CNTNAP5: variants seen among roughly 807,000 people sequenced by gnomAD.
The protein encoded by CNTNAP5 is contactin-associated protein-like 5.
CNTNAP5 carries 72 observed loss-of-function variants against 150.2 expected under a neutral mutation model. The ratio of observed to expected loss-of-function variants is 0.48; its 90% CI spans 0.40 to 0.58. The LOEUF is 0.58. Among genes scored for constraint, CNTNAP5 ranks in the 20% least tolerant of loss-of-function variants. The probability of loss-of-function intolerance (pLI) is 0.00; values close to 1 mark genes in which losing one functional copy is unlikely to be tolerated. For missense variants in CNTNAP5, 1,636 were observed against 1,626.2 expected, an observed-to-expected ratio of 1.01 and a Z score of -0.10; for synonymous variants, 672 against 619.8, an observed-to-expected ratio of 1.08 and a Z score of -1.25.
At chr2:124,377,569 G>A (rs2104733923) in intron 3 of CNTNAP5, among the ~76,000 whole-genome samples, 1 of 151,950 alleles carries the variant, frequency 6.6e-6, no homozygotes, top group South Asian at 2.1e-4. Flanking sequence ...TAGCTACTCA[G>A]GAGGCTGAGA....
chr2:124,386,376 T>A (rs1262398656), intron 3 of CNTNAP5, among the ~76,000 whole-genome samples: 1 of 152,176 alleles, frequency 6.6e-6, no homozygotes, highest in Non-Finnish European at 1.5e-5. Flanking sequence ...TGGCAATAGT[T>A]TAATCTAGTT....
intron 1 of CNTNAP5, among the ~76,000 whole-genome samples, chr2:124,086,405 G>A (rs563474305): frequency 6.6e-6 from 1 of 151,280 alleles, no homozygotes; most frequent in African/African-American, 2.4e-5. Flanking sequence ...GGGTTTCATC[G>A]TGTTAGCCAG....
At chr2:124,862,752 T>A (rs1346652938) in intron 19 of CNTNAP5, among the ~76,000 whole-genome samples, 1 of 152,174 alleles carries the variant, frequency 6.6e-6, no homozygotes, top group Admixed American at 6.6e-5. Flanking sequence ...TAGCCTTTCA[T>A]GGGGTCAAAC....
At chr2:124,036,495 G>T (rs1323501541) in intron 1 of CNTNAP5, among the ~76,000 whole-genome samples, 2 of 152,004 alleles carry the variant, frequency 1.3e-5, no homozygotes, top group African/African-American at 4.8e-5. Flanking sequence ...TCTGTCAGTT[G>T]ACAGTAATGG....
intron 11 of CNTNAP5, among the ~76,000 whole-genome samples, chr2:124,585,670 T>A (rs1192289925): frequency 2.6e-5 from 1 of 37,804 alleles, no homozygotes. Context: ...AGCTTGAAGC[T>A]TTTTTTTTTT....
chr2:124,435,009 C>T (rs184422181), intron 5 of CNTNAP5, among the ~76,000 whole-genome samples: 1 of 152,192 alleles, frequency 6.6e-6, no homozygotes, highest in Admixed American at 6.5e-5. Context: ...GAGGCTTGCT[C>T]AGAATCTATG....
chr2:124,597,034 T>TGC (rs1696843772), intron 11 of CNTNAP5, among the ~76,000 whole-genome samples: 1 of 2,804 alleles, frequency 3.6e-4, no homozygotes, highest in Non-Finnish European at 0.1. Flanking sequence ...TATGTGTGTC[T>TGC]CTGTACGTGA....
At chr2:124,062,127 A>C (rs1387914211) in intron 1 of CNTNAP5, among the ~76,000 whole-genome samples, 1 of 152,100 alleles carries the variant, frequency 6.6e-6, no homozygotes, top group Non-Finnish European at 1.5e-5. Flanking sequence ...TTACAGAATT[A>C]ATTCTGTTTT....
intron 1 of CNTNAP5, among the ~76,000 whole-genome samples, chr2:124,118,212 TAC>T (rs1034867748): frequency 3.3e-5 from 5 of 151,930 alleles, no homozygotes; most frequent in East Asian, 3.9e-4. Context: ...TTAAAATACA[TAC>T]ACACACACAC....
intron 3 of CNTNAP5, among the ~76,000 whole-genome samples, chr2:124,391,383 G>C (rs143872072): frequency 1.1e-4 from 16 of 152,066 alleles, no homozygotes; most frequent in East Asian, 5.8e-4. Context: ...CACAAAAATG[G>C]GTGGACATGA....
chr2:124,563,910 C>T (rs946164054), intron 11 of CNTNAP5, among the ~76,000 whole-genome samples: 1 of 152,232 alleles, frequency 6.6e-6, no homozygotes, highest in Non-Finnish European at 1.5e-5. Context: ...CTTCCACTCA[C>T]ATTCCACTGG....
intron 14 of CNTNAP5, among the ~76,000 whole-genome samples, chr2:124,747,633 T>C (rs1680635750): frequency 7.3e-6 from 1 of 137,684 alleles, no homozygotes; most frequent in Non-Finnish European, 1.6e-5. Flanking sequence ...TTTTTTTTTT[T>C]TTTTTGAGAC....
intron 12 of CNTNAP5, among the ~76,000 whole-genome samples, chr2:124,644,842 C>T (rs1271609221): frequency 3.3e-5 from 5 of 152,256 alleles, no homozygotes; most frequent in East Asian, 1.9e-4. Flanking sequence ...TCCTGTCCCT[C>T]GTACAGTGTT....
At chr2:124,504,176 C>T (rs371280066) in intron 7 of CNTNAP5, 116 bp from the exon 8 acceptor site, 2 of 1,034,652 alleles carry the variant, frequency 1.9e-6, no homozygotes, top group Non-Finnish European at 1.4e-6. Context: ...AAGATCTTGC[C>T]GCTGAATGTG....
chr2:124,459,331 C>T (rs4355121), intron 6 of CNTNAP5, among the ~76,000 whole-genome samples: 30,786 of 152,116 alleles, frequency 0.2, 3,406 homozygotes, highest in East Asian at 0.33. Context: ...TCATTTGCCT[C>T]CCTACCCCTG....
At chr2:124,521,754 T>C (rs577250918) in intron 8 of CNTNAP5, among the ~76,000 whole-genome samples, 1 of 152,248 alleles carries the variant, frequency 6.6e-6, no homozygotes, top group Admixed American at 6.5e-5. Flanking sequence ...TATGCAGATG[T>C]ATTCAAATGA....
intron 3 of CNTNAP5, among the ~76,000 whole-genome samples, chr2:124,266,900 T>C (rs781443636): frequency 2.0e-5 from 3 of 151,918 alleles, no homozygotes; most frequent in Non-Finnish European, 4.4e-5. Flanking sequence ...CCCCATAGAA[T>C]AGAAATTACG....
At chr2:124,583,935 C>A (rs1696469713) in intron 11 of CNTNAP5, among the ~76,000 whole-genome samples, 1 of 152,132 alleles carries the variant, frequency 6.6e-6, no homozygotes, top group Non-Finnish European at 1.5e-5. Flanking sequence ...GTCTTCCTGG[C>A]CCCAGCATGT....
chr2:124,618,673 C>T (rs1012574077), intron 12 of CNTNAP5, among the ~76,000 whole-genome samples: 3 of 152,068 alleles, frequency 2.0e-5, no homozygotes, highest in South Asian at 2.1e-4. Flanking sequence ...AGCCTTCCTG[C>T]GCACAGAGAA....
Sources: allele counts gnomAD v4.1 joint callset (sites outside exome capture counted in the v4.1 genomes callset), GRCh38; gene constraint gnomAD v4.1.1; transcripts MANE v1.5; gene names NCBI Gene and HGNC (gene_info 2026-07-23, HGNC 2026-07-21).